PCSK5: variants seen among roughly 807,000 people sequenced by gnomAD.
PCSK5 encodes proprotein convertase subtilisin/kexin type 5.
PCSK5 carries 129 observed loss-of-function variants against 233.2 expected under a neutral mutation model. The observed-to-expected ratio is 0.55, with a 90% confidence interval of 0.48 to 0.64. The LOEUF (loss-of-function observed/expected upper bound fraction) is 0.64. PCSK5 is among the 30% of genes least tolerant of loss of function. The probability of loss-of-function intolerance (pLI) is 0.00; values close to 1 mark genes in which losing one functional copy is unlikely to be tolerated. For synonymous variants in PCSK5, 825 were observed against 879.2 expected, an observed-to-expected ratio of 0.94 and a Z score of 1.09; for missense variants, 2,076 against 2,430.1, an observed-to-expected ratio of 0.85 and a Z score of 3.06.
intron 1 of PCSK5, among the ~76,000 whole-genome samples, chr9:75,928,596 C>CATATATATATATATATAT (rs61537466): frequency 5.8e-5 from 4 of 68,416 alleles, no homozygotes; most frequent in African/African-American, 9.9e-5. Flanking sequence ...CATATAAATA[C>CATATATATATATATATAT]ATATATATAT....
Position 76,026,309 on chromosome 9 carries a change from G to C in PCSK5, c.556-652G>C, listed in dbSNP as rs148302903. 2.1e-3 allele frequency among the ~76,000 whole-genome samples: 316 copies of C among 152,216 alleles called. 16 individuals carry two copies. The South Asian group carries it at 0.058, about 28-fold the overall frequency. Reference sequence around the variant, plus strand: ...TTTGAAATCTTAGTGTAGGAAAACTGTTCATTATTTTGGTTGGTCCAAAAG... The same window carrying C: ...TTTGAAATCTTAGTGTAGGAAAACTCTTCATTATTTTGGTTGGTCCAAAAG... On this transcript the variant is annotated intron_variant, in intron 4 of 37. Transcript: ENST00000674117.
chr9:76,211,639 A>G (rs376931458), intron 20 of PCSK5, among the ~76,000 whole-genome samples: 5 of 152,372 alleles, frequency 3.3e-5, no homozygotes, highest in South Asian at 4.1e-4. Flanking sequence ...CTGGAGGCCA[A>G]AAAGTTCAAG....
intron 16 of PCSK5, 109 bp downstream of exon 16, chr9:76,181,700 C>T: frequency 2.8e-6 from 2 of 707,676 alleles, no homozygotes; most frequent in Non-Finnish European, 4.9e-6. Context: ...TGCTTCATAT[C>T]AAACAGGATC....
chr9:76,321,599 A>C lies in PCSK5; in HGVS notation c.4062A>C (p.Pro1354=), dbSNP rs1178477916. 5.0e-6 allele frequency: 8 copies of C among 1,612,366 alleles called. No individual in the cohort carries two copies. Among genetic ancestry groups the C allele is most frequent in the Non-Finnish European group, 6.8e-6 (8 of 1,179,578 alleles). Residue 1354 remains proline, a synonymous_variant, in exon 31 of 38, where the codon CCA becomes CCC. Coordinates refer to ENST00000674117, the MANE Select transcript of PCSK5 (RefSeq NM_001372043.1). ...VAVKGVCKHC[P]EMCQDCIHEK... ...TGAAGGGGGTATGCAAGCATTGCCC[A>C]GAGATGTGTCAGGACTGCATCCATG... is the stretch of plus-strand genomic sequence containing the variant.
intron 3 of PCSK5, among the ~76,000 whole-genome samples, chr9:76,006,112 C>G (rs1827467616): frequency 6.6e-6 from 1 of 151,614 alleles, no homozygotes; most frequent in African/African-American, 2.4e-5. Flanking sequence ...GAAATGGCAT[C>G]TCTGTGTGTT....
At chr9:75,948,418 C>G (rs1023734356) in intron 2 of PCSK5, among the ~76,000 whole-genome samples, 2 of 146,342 alleles carry the variant, frequency 1.4e-5, no homozygotes, top group African/African-American at 5.0e-5. Flanking sequence ...GTTTGGTTTT[C>G]TGTCCTTGTG....
intron 24 of PCSK5, among the ~76,000 whole-genome samples, chr9:76,289,362 T>C (rs1828192936): frequency 6.6e-6 from 1 of 152,006 alleles, no homozygotes; most frequent in Non-Finnish European, 1.5e-5. Flanking sequence ...CTCAAAAGTT[T>C]GACAAAATCA....
At chr9:76,116,461 G>A (rs1339780329) in intron 9 of PCSK5, among the ~76,000 whole-genome samples, 3 of 152,084 alleles carry the variant, frequency 2.0e-5, no homozygotes, top group African/African-American at 4.8e-5. Context: ...ACACCTGGTA[G>A]TATCATCCCT....
intron 7 of PCSK5, among the ~76,000 whole-genome samples, chr9:76,079,168 A>T (rs1285610020): frequency 1.3e-5 from 2 of 151,226 alleles, no homozygotes; most frequent in African/African-American, 4.9e-5. Flanking sequence ...GGCGTGCGTG[A>T]TCTTGGCTCA....
In PCSK5 at chr9:75,973,858, A is replaced by C. The variant is rs1452920587; in HGVS notation, c.298-12274A>C. ...CAGGGTGGAACCCTTTTGGGGGCAGAGGGCCGAGGAGTGGAGAGAGAGAAC... is the reference window on the plus strand; with the variant it reads ...CAGGGTGGAACCCTTTTGGGGGCAGCGGGCCGAGGAGTGGAGAGAGAGAAC... On this transcript the variant is annotated intron_variant, in intron 2 of 37. Coordinates refer to ENST00000674117, the MANE Select transcript of PCSK5 (RefSeq NM_001372043.1). 2.0e-5 allele frequency among the ~76,000 whole-genome samples: 3 copies of C among 152,304 alleles called. No individual in the cohort carries two copies. In the East Asian group the frequency reaches 5.8e-4, roughly 29 times the overall value.
chr9:76,277,513 A>T (rs1264279111), intron 24 of PCSK5, among the ~76,000 whole-genome samples: 2 of 152,234 alleles, frequency 1.3e-5, no homozygotes. Flanking sequence ...CAACATTTGT[A>T]GACAATAATT....
intron 28 of PCSK5, 54 bp from the exon 29 acceptor site, chr9:76,308,591 T>A: frequency 1.0e-6 from 1 of 985,592 alleles, no homozygotes; most frequent in East Asian, 2.4e-5. Context: ...AGTACTGGAA[T>A]CCTATGTGCC....
chr9:76,338,496 G>T, intron 35 of PCSK5, 49 bp downstream of exon 35: 1 of 1,357,760 alleles, frequency 7.4e-7, no homozygotes, highest in Non-Finnish European at 1.0e-6. Context: ...AAATGAAAAG[G>T]TTTTCTTCCT....
At chr9:76,078,407 G>C (rs908176758) in intron 7 of PCSK5, among the ~76,000 whole-genome samples, 1 of 152,094 alleles carries the variant, frequency 6.6e-6, no homozygotes, top group Admixed American at 6.5e-5. Context: ...CTTATAGCTT[G>C]AGGTCTTACA....
chr9:76,072,363 A>T (rs552160399), intron 7 of PCSK5, among the ~76,000 whole-genome samples: 1 of 152,284 alleles, frequency 6.6e-6, no homozygotes, highest in East Asian at 1.9e-4. Flanking sequence ...CGCTACAACC[A>T]AGTAGCTTAA....
intron 20 of PCSK5, chr9:76,194,102 A>C (rs1824566526): frequency 6.6e-6 from 1 of 152,414 alleles, no homozygotes; most frequent in Non-Finnish European, 1.5e-5. Flanking sequence ...TGCTCTGTAT[A>C]GTCAAATTGG....
chr9:76,296,719 G>C lies in PCSK5; in HGVS notation c.3377G>C (p.Gly1126Ala). The C allele has an allele frequency of 6.2e-7, 1 of 1,612,546 alleles. No individual in the cohort carries two copies. The highest frequency in any genetic ancestry group is 8.5e-7 in the Non-Finnish European group (1 of 1,179,632). The change falls in exon 27 of 38, where the codon GGA (glycine) becomes GCA (alanine). Residue 1126 changes from glycine (G) to alanine (A), a missense_variant. Around this residue, in one of 6 missense-constraint regions of PCSK5, gnomAD observed 1,510 missense variants for 1,538.1 expected, o/e 0.98. Transcript: ENST00000674117. ...GPGFYGDQEM[G>A]ECESCHRACE... is the part of the protein sequence containing the mutation. ...GGATTCTATGGTGACCAAGAAATGG[G>C]AGAATGTGAGTCCTGCCACCGAGCA...
At chr9:76,091,028 T>G (rs1414999070) in intron 7 of PCSK5, among the ~76,000 whole-genome samples, 1 of 152,072 alleles carries the variant, frequency 6.6e-6, no homozygotes, top group African/African-American at 2.4e-5. Flanking sequence ...GAGGTAGAGC[T>G]CAGGCGGTAA....
At chr9:76,261,361 A>G (rs1827169182) in intron 24 of PCSK5, among the ~76,000 whole-genome samples, 1 of 152,224 alleles carries the variant, frequency 6.6e-6, no homozygotes, top group Non-Finnish European at 1.5e-5. Context: ...ATGATTCTAT[A>G]CCTAGAAAAC....
Sources: gnomAD v4.1 joint callset for allele counts (sites outside exome capture counted in the v4.1 genomes callset) on GRCh38, gnomAD v4.1.1 for gene constraint, gnomAD v4.1.1 regional missense constraint, MANE v1.5 for transcripts, NCBI Gene and HGNC (gene_info 2026-07-23, HGNC 2026-07-21) for gene names.